Variants in CACNA1B observed in about 807,000 individuals in gnomAD.
The protein encoded by CACNA1B is voltage-dependent N-type calcium channel subunit alpha-1B.
Under a neutral mutation model 247.2 loss-of-function variants are expected in CACNA1B, and 70 were observed. The observed-to-expected ratio is 0.28, with a 90% CI of 0.23 to 0.35. The LOEUF (loss-of-function observed/expected upper bound fraction) is 0.35. CACNA1B is among the 10% of genes least tolerant of loss of function. The pLI, the probability that CACNA1B is intolerant of heterozygous loss-of-function variation, is 1.00. For missense variants in CACNA1B, 2,367 were observed against 3,197.4 expected (o/e 0.74, Z 6.26); for synonymous variants, 1,231 against 1,294.4 (o/e 0.95, Z 1.05).
At chr9:138,049,103 C>T in intron 23 of CACNA1B, 106 bp from the exon 24 acceptor site, 1 of 776,772 alleles carries the variant, frequency 1.3e-6, no homozygotes. Flanking sequence ...AGTCTGCCTG[C>T]CTCAGCCTCC....
chr9:138,053,720 C>G, intron 25 of CACNA1B, 126 bp from the exon 26 acceptor site: 1 of 643,674 alleles, frequency 1.6e-6, no homozygotes, highest in Non-Finnish European at 2.8e-6. Context: ...GCCATGCCCT[C>G]CCACCTTGGC....
At chr9:137,948,227 T>C (rs1381109016) in intron 6 of CACNA1B, among the ~76,000 whole-genome samples, 2 of 152,170 alleles carry the variant, frequency 1.3e-5, no homozygotes, top group Non-Finnish European at 2.9e-5. Flanking sequence ...GTGATCTGCC[T>C]GCCTCGGCCT....
In CACNA1B at chr9:137,998,497, G is replaced by A. The variant is rs543020480; in HGVS notation, c.1975-8270G>A. On this transcript the variant is annotated intron_variant, in intron 15 of 46. Coordinates refer to ENST00000371372, the MANE Select transcript of CACNA1B (RefSeq NM_000718.4). ...GTGCTGGTGCTGAGGTGGGAGAATC[G>A]CCTGAACCTGGGAGGCAGAGGTTGC... Among the ~76,000 whole-genome samples the A allele has an allele frequency of 3.2e-4, 49 of 152,280 alleles. No homozygotes were observed. The East Asian group carries it at 3.5e-3, about 11-fold the overall frequency.
intron 15 of CACNA1B, among the ~76,000 whole-genome samples, chr9:138,002,999 G>A (rs527484448): frequency 2.8e-4 from 42 of 151,536 alleles, no homozygotes; most frequent in African/African-American, 9.2e-4. Context: ...GGGTTTCACT[G>A]TGTTGGCCAG....
In CACNA1B at chr9:137,917,951, G is replaced by C. The variant is rs904593777; in HGVS notation, c.966+520G>C. ...CTCTGTTGGAGTTGAGGGACAGTAGGGCTGCTGGGCCTCCCGTCCCCAGGC... is the reference window on the plus strand; with the variant it reads ...CTCTGTTGGAGTTGAGGGACAGTAGCGCTGCTGGGCCTCCCGTCCCCAGGC... On this transcript the variant is annotated intron_variant, in intron 6 of 46. Coordinates refer to ENST00000371372, the MANE Select transcript of CACNA1B (RefSeq NM_000718.4). The surrounding 1 kb of genome is among the most constrained non-coding windows in gnomAD (Gnocchi z 5.5). Among the ~76,000 whole-genome samples the C allele has an allele frequency of 3.9e-5, 6 of 152,218 alleles. No individual in the cohort carries two copies. Among genetic ancestry groups the C allele is most frequent in the Non-Finnish European group, 8.8e-5 (6 of 68,030 alleles).
chr9:138,013,776 G>A (rs906430266), intron 18 of CACNA1B, among the ~76,000 whole-genome samples: 7 of 152,242 alleles, frequency 4.6e-5, no homozygotes, highest in Admixed American at 2.0e-4. Flanking sequence ...TTAGAGTTTG[G>A]GCAAAGTGTC....
chr9:137,981,486 T>G (rs1161002864), intron 12 of CACNA1B, among the ~76,000 whole-genome samples: 1 of 152,186 alleles, frequency 6.6e-6, no homozygotes, highest in Non-Finnish European at 1.5e-5. Flanking sequence ...GTTTTCTACC[T>G]TTTTTTGTGT....
intron 16 of CACNA1B, among the ~76,000 whole-genome samples, chr9:138,008,191 CG>C (rs1477231823): frequency 6.6e-6 from 1 of 152,196 alleles, no homozygotes; most frequent in Non-Finnish European, 1.5e-5. Context: ...AAGGCAGCCC[CG>C]GTTGTCAGAG....
At chr9:137,961,847 T>A (rs979316893) in intron 10 of CACNA1B, among the ~76,000 whole-genome samples, 23 of 152,328 alleles carry the variant, frequency 1.5e-4, no homozygotes, top group African/African-American at 5.1e-4. Flanking sequence ...GTTTTCTTTT[T>A]TTGTTGTATC....
chr9:137,956,884 T>C, intron 9 of CACNA1B, 57 bp downstream of exon 9: 1 of 1,381,082 alleles, frequency 7.2e-7, no homozygotes, highest in Non-Finnish European at 1.0e-6. Flanking sequence ...GCCACGTGGG[T>C]GGTGACACGT....
chr9:138,080,208 AG>A lies in CACNA1B; in HGVS notation c.5094+1953del, dbSNP rs1960478914. Among the ~76,000 whole-genome samples the A allele has an allele frequency of 5.3e-5, 8 of 152,306 alleles. No individual in the cohort carries two copies. The South Asian group carries it at 1.7e-3, about 32-fold the overall frequency. The stretch of plus-strand genomic sequence containing the variant: ...CCAGACAAGTGCAAGGAGGGAGAGA[AG>A]GGTGTGTATAAGAGTGTGGTTATTG... On this transcript the variant is annotated intron_variant, in intron 36 of 46. Transcript: ENST00000371372.
intron 11 of CACNA1B, among the ~76,000 whole-genome samples, chr9:137,972,122 T>C (rs1341914574): frequency 1.3e-5 from 2 of 148,362 alleles, no homozygotes; most frequent in Non-Finnish European, 3.0e-5. Flanking sequence ...TTCATGCCCT[T>C]CCGTGGAGTG....
At chr9:138,120,470 G>A (rs559487302) in intron 45 of CACNA1B, 98 bp downstream of exon 45, 30 of 1,405,638 alleles carry the variant, frequency 2.1e-5, no homozygotes, top group African/African-American at 1.0e-4. Flanking sequence ...TGTGGGCCTC[G>A]TGACCCCATA....
At chr9:138,068,530 C>A in intron 31 of CACNA1B, 1 of 508,206 alleles carries the variant, frequency 2.0e-6, no homozygotes, top group East Asian at 5.6e-5. Context: ...GCGTCTCGCC[C>A]GGAAGCATTT....
rs140463135 is a variant in CACNA1B at position 138,003,941 on chromosome 9, A to G, written c.1975-2826A>G. Among the ~76,000 whole-genome samples, 330 of 152,172 alleles carry G rather than the reference A, an allele frequency of 2.2e-3. 1 individual carries two copies. Among genetic ancestry groups the G allele is most frequent in the Non-Finnish European group, 3.8e-3 (260 of 68,006 alleles). On this transcript the variant is annotated intron_variant, in intron 15 of 46. Coordinates refer to ENST00000371372, the MANE Select transcript of CACNA1B (RefSeq NM_000718.4). ...CTGGCCAGTGCTTTTAAGCCCTTTC[A>G]CGTTTATCAGATTGGGAACTGTCAA...
intron 3 of CACNA1B, chr9:137,892,502 C>T (rs1957117072): frequency 2.6e-6 from 1 of 383,200 alleles, no homozygotes; most frequent in Non-Finnish European, 5.3e-6. Flanking sequence ...CTCCCCCTTT[C>T]CTCTGACTGT....
chr9:138,117,046 T>G (rs575267579), intron 42 of CACNA1B, among the ~76,000 whole-genome samples: 2 of 152,364 alleles, frequency 1.3e-5, no homozygotes, highest in South Asian at 2.1e-4. Flanking sequence ...GAGTGATCAG[T>G]GCCACTCAAC....
At chr9:137,911,096 G>T (rs1329203632) in intron 3 of CACNA1B, among the ~76,000 whole-genome samples, 2 of 151,940 alleles carry the variant, frequency 1.3e-5, no homozygotes, top group Non-Finnish European at 2.9e-5. Flanking sequence ...TATTCTGCTT[G>T]GTTGTTGAAA....
intron 20 of CACNA1B, among the ~76,000 whole-genome samples, chr9:138,034,783 G>A (rs1959023640): frequency 6.6e-6 from 1 of 152,038 alleles, no homozygotes; most frequent in Admixed American, 6.6e-5. Context: ...GATGTGCAAG[G>A]ATCTTGTAGT....
Sources: allele counts gnomAD v4.1 joint callset (sites outside exome capture counted in the v4.1 genomes callset), GRCh38; gene constraint gnomAD v4.1.1; non-coding constraint Gnocchi (gnomAD v3.1); transcripts MANE v1.5; gene names NCBI Gene and HGNC (gene_info 2026-07-23, HGNC 2026-07-21).